The following TMEM232 variants were observed in gnomAD, a reference collection of about 807,000 sequenced individuals.
TMEM232 encodes transmembrane protein 232.
TMEM232 carries 80 observed loss-of-function variants against 78.8 expected under a neutral mutation model. That is an observed-to-expected ratio of 1.01 (90% CI 0.85 to 1.22). The LOEUF (loss-of-function observed/expected upper bound fraction) is 1.22. Among genes scored for constraint, TMEM232 ranks in the 50% most tolerant of loss-of-function variants. The pLI, the probability that TMEM232 is intolerant of heterozygous loss-of-function variation, is 0.00. For missense variants in TMEM232, 881 were observed against 742.2 expected (o/e 1.19, Z -2.17); for synonymous variants, 297 against 254.3 (o/e 1.17, Z -1.60).
At chr5:110,610,485 G>A (rs1299047105) in intron 8 of TMEM232, 1 of 448,688 alleles carries the variant, frequency 2.2e-6, no homozygotes, top group Non-Finnish European at 4.5e-6. Flanking sequence ...TATGAACTAT[G>A]AGTAGTCAAT....
intron 12 of TMEM232, among the ~76,000 whole-genome samples, chr5:110,487,093 T>C (rs768866684): frequency 6.6e-6 from 1 of 152,044 alleles, no homozygotes; most frequent in Non-Finnish European, 1.5e-5. Flanking sequence ...GACTGAGTTC[T>C]TGATTTGATT....
intron 12 of TMEM232, among the ~76,000 whole-genome samples, chr5:110,478,093 T>C (rs771669313): frequency 1.6e-4 from 25 of 151,924 alleles, no homozygotes; most frequent in Non-Finnish European, 3.1e-4. Context: ...TTGGCAAGAA[T>C]TGCATCTTTT....
upstream of TMEM232, chr5:110,738,387 A>T (rs1002557951): frequency 1.7e-5 from 9 of 533,256 alleles, no homozygotes; most frequent in Non-Finnish European, 2.0e-5. Flanking sequence ...TAGTTTCTTT[A>T]CAGCCTTAGA....
intron 5 of TMEM232, among the ~76,000 whole-genome samples, chr5:110,633,406 C>T (rs1231385077): frequency 6.6e-6 from 1 of 152,060 alleles, no homozygotes; most frequent in Non-Finnish European, 1.5e-5. Flanking sequence ...GAAAAGAAGA[C>T]AAGAATACAC....
At chr5:110,532,090 C>A (rs148110765) in intron 11 of TMEM232, among the ~76,000 whole-genome samples, 4,431 of 152,224 alleles carry the variant, frequency 0.029, 72 homozygotes, top group African/African-American at 0.047. Flanking sequence ...TCCTCCAGAA[C>A]CTCCTCCCCC....
At chr5:110,690,312 A>G (rs991668690) in intron 1 of TMEM232, among the ~76,000 whole-genome samples, 2 of 152,228 alleles carry the variant, frequency 1.3e-5, no homozygotes, top group Admixed American at 6.5e-5. Flanking sequence ...CCCTTCAAAA[A>G]GTGGGTAAAC....
chr5:110,564,235 T>C (rs1368594700), intron 11 of TMEM232, among the ~76,000 whole-genome samples: 1 of 152,050 alleles, frequency 6.6e-6, no homozygotes, highest in Non-Finnish European at 1.5e-5. Context: ...GAAAAAAATA[T>C]GTATTTCCTG....
intron 12 of TMEM232, among the ~76,000 whole-genome samples, chr5:110,490,452 TA>T: frequency 1.3e-5 from 2 of 152,294 alleles, no homozygotes; most frequent in South Asian, 4.1e-4. Context: ...TTAATCAACC[TA>T]TTCCACACAA....
intron 11 of TMEM232, among the ~76,000 whole-genome samples, chr5:110,542,358 A>C (rs1239446943): frequency 3.9e-5 from 6 of 152,172 alleles, no homozygotes; most frequent in Non-Finnish European, 1.5e-5. Context: ...CTTACAGCAT[A>C]AGTATCCAGC....
At chr5:110,660,382 A>C (rs1248702773) in intron 2 of TMEM232, among the ~76,000 whole-genome samples, 1 of 152,106 alleles carries the variant, frequency 6.6e-6, no homozygotes, top group Non-Finnish European at 1.5e-5. Flanking sequence ...ATATTCAGAC[A>C]AACAAAACCT....
chr5:110,412,438 C>T (rs1215261251), intron 2 of TMEM232, among the ~76,000 whole-genome samples: 1 of 152,118 alleles, frequency 6.6e-6, no homozygotes, highest in Non-Finnish European at 1.5e-5. Context: ...CTCCATCATG[C>T]CTCTATTTCA....
chr5:110,663,159 T>C (rs1232592036), intron 2 of TMEM232, among the ~76,000 whole-genome samples: 1 of 152,086 alleles, frequency 6.6e-6, no homozygotes, highest in African/African-American at 2.4e-5. Context: ...AATTAATGGA[T>C]AATTTGCAGT....
chr5:110,659,714 A>C (rs1385836676), intron 2 of TMEM232, among the ~76,000 whole-genome samples: 1 of 152,186 alleles, frequency 6.6e-6, no homozygotes, highest in Non-Finnish European at 1.5e-5. Context: ...GCAGGGAACC[A>C]GAAACGTTAA....
Position 110,625,301 on chromosome 5 carries a change from T to A in TMEM232, c.734A>T (p.Asp245Val). The change falls in exon 7 of 14, where the codon GAT becomes GTT. Residue 245 changes from aspartate to valine, a missense_variant. Transcript: ENST00000455884. Reference protein sequence around the residue: ...RSESIFRPVEDKKRYENTDSD... With the variant: ...RSESIFRPVEVKKRYENTDSD... ...ATCTGTGTTCTCATATCTTTTCTTA[T>A]CTTCCACAGGTCTAAAAATGGATTC... 3 of 1,543,524 alleles carry A rather than the reference T, an allele frequency of 1.9e-6. No homozygotes were observed. Among genetic ancestry groups the A allele is most frequent in the Non-Finnish European group, 2.6e-6 (3 of 1,143,374 alleles).
At chr5:110,675,131 C>A (rs1791862666) in intron 1 of TMEM232, among the ~76,000 whole-genome samples, 1 of 152,082 alleles carries the variant, frequency 6.6e-6, no homozygotes, top group Non-Finnish European at 1.5e-5. Context: ...CTGCAACCTC[C>A]ACCTCACAGG....
At chr5:110,695,759 C>T (rs973483147) in intron 1 of TMEM232, among the ~76,000 whole-genome samples, 1 of 152,092 alleles carries the variant, frequency 6.6e-6, no homozygotes, top group Non-Finnish European at 1.5e-5. Context: ...CAGCAAGAAG[C>T]TGAATCTCTG....
intron 10 of TMEM232, among the ~76,000 whole-genome samples, chr5:110,582,224 G>A (rs1159707002): frequency 6.6e-6 from 1 of 151,940 alleles, no homozygotes; most frequent in South Asian, 2.1e-4. Flanking sequence ...ATTCATTGTA[G>A]CACTATCCAT....
Position 110,721,673 on chromosome 5 carries a change from G to GTATATATATATATATA in TMEM232, c.-13+4953_-13+4954insTATATATATATATATA, listed in dbSNP as rs10522202. 2.3e-3 allele frequency among the ~76,000 whole-genome samples: 82 copies of GTATATATATATATATA among 35,466 alleles called. 18 individuals carry two copies. The East Asian group carries it at 0.027, about 12-fold the overall frequency. The allele number at this position is 35,466 out of a possible 152,430, so 23.3% of individuals were successfully genotyped here. ...GCATATCATGTGTGTGTGTGTGTGT[G>GTATATATATATATATA]TATATATATATCTGTGTGTGTTAGT... On this transcript the variant is annotated intron_variant, in intron 1 of 13. Transcript: ENST00000455884.
intron 1 of TMEM232, among the ~76,000 whole-genome samples, chr5:110,708,257 G>A (rs533958951): frequency 1.3e-5 from 2 of 152,252 alleles, no homozygotes; most frequent in East Asian, 3.9e-4. Flanking sequence ...TATCCTTCAA[G>A]TATGAAGAAG....
Sources: allele counts gnomAD v4.1 joint callset (sites outside exome capture counted in the v4.1 genomes callset), GRCh38; gene constraint gnomAD v4.1.1; transcripts MANE v1.5; gene names NCBI Gene and HGNC (gene_info 2026-07-23, HGNC 2026-07-21).